Variants in PIP4K2A observed in about 807,000 individuals in gnomAD.
PIP4K2A encodes phosphatidylinositol-5-phosphate 4-kinase type 2 alpha, also known as phosphatidylinositol 5-phosphate 4-kinase type-2 alpha.
Under a neutral mutation model 42.9 loss-of-function variants are expected in PIP4K2A, and 14 were observed. The ratio of observed to expected loss-of-function variants is 0.33; its 90% CI spans 0.22 to 0.51. The LOEUF is 0.51. Ranked by LOEUF, PIP4K2A falls within the 20% of genes least tolerant of loss-of-function variation. PIP4K2A has a pLI of 0.97. For missense variants in PIP4K2A, 434 were observed against 519.8 expected (o/e 0.83, Z 1.61); for synonymous variants, 192 against 192.2 (o/e 1.00, Z 0.01).
At chr10:22,648,081 C>G (rs1838919528) in intron 1 of PIP4K2A, among the ~76,000 whole-genome samples, 1 of 152,284 alleles carries the variant, frequency 6.6e-6, no homozygotes. Flanking sequence ...CAAAGCCTTC[C>G]TGGAATATTC....
chr10:22,653,043 A>C (rs1458621356), intron 1 of PIP4K2A, among the ~76,000 whole-genome samples: 4 of 152,120 alleles, frequency 2.6e-5, no homozygotes, highest in Non-Finnish European at 5.9e-5. Context: ...GCAGTGAGCT[A>C]TGATGGTGCT....
chr10:22,585,229 G>A (rs1837366525), intron 4 of PIP4K2A, among the ~76,000 whole-genome samples: 1 of 152,204 alleles, frequency 6.6e-6, no homozygotes, highest in African/African-American at 2.4e-5. Flanking sequence ...GAAAGGATAA[G>A]CAGATGTACT....
intron 1 of PIP4K2A, among the ~76,000 whole-genome samples, chr10:22,631,198 A>G (rs1018894363): frequency 5.3e-5 from 8 of 152,224 alleles, no homozygotes; most frequent in Non-Finnish European, 1.0e-4. Flanking sequence ...AAATAGTGAT[A>G]ATAACAGACT....
At chr10:22,537,681 A>T (rs1417966799) in intron 9 of PIP4K2A, among the ~76,000 whole-genome samples, 2 of 152,194 alleles carry the variant, frequency 1.3e-5, no homozygotes, top group African/African-American at 4.8e-5. Flanking sequence ...AATGACATCA[A>T]CATTTGGCGA....
At chr10:22,634,398 G>T (rs1443322711) in intron 1 of PIP4K2A, among the ~76,000 whole-genome samples, 1 of 152,172 alleles carries the variant, frequency 6.6e-6, no homozygotes, top group African/African-American at 2.4e-5. Flanking sequence ...AGATTTGGGG[G>T]AACATTTAGA....
intron 5 of PIP4K2A, chr10:22,569,106 C>A (rs2130789396): frequency 1.5e-6 from 2 of 1,318,288 alleles, no homozygotes; most frequent in East Asian, 2.5e-5. Flanking sequence ...GCAGCTCAGG[C>A]ATTGACTAGG....
At chr10:22,639,690 G>A (rs1358898180) in intron 1 of PIP4K2A, among the ~76,000 whole-genome samples, 1 of 152,106 alleles carries the variant, frequency 6.6e-6, no homozygotes, top group Non-Finnish European at 1.5e-5. Context: ...ATTTGCTATA[G>A]TGAATAAAAG....
chr10:22,706,658 C>T (rs1833829559), intron 1 of PIP4K2A, among the ~76,000 whole-genome samples: 1 of 152,206 alleles, frequency 6.6e-6, no homozygotes, highest in South Asian at 2.1e-4. Flanking sequence ...GCATCTGAAG[C>T]ATCTTGCAGT....
At chr10:22,545,002 TTC>T (rs796842677) in intron 7 of PIP4K2A, among the ~76,000 whole-genome samples, 7 of 152,340 alleles carry the variant, frequency 4.6e-5, no homozygotes, top group African/African-American at 1.7e-4. Flanking sequence ...TTTGAGCGAC[TTC>T]TCTCTTTCCC....
At chr10:22,578,666 G>A (rs1029834924) in intron 4 of PIP4K2A, among the ~76,000 whole-genome samples, 4 of 150,018 alleles carry the variant, frequency 2.7e-5, no homozygotes, top group Admixed American at 6.7e-5. Context: ...TTCTATCTGC[G>A]TCTCGATAAC....
chr10:22,680,443 C>T (rs1206151816), intron 1 of PIP4K2A, among the ~76,000 whole-genome samples: 1 of 152,080 alleles, frequency 6.6e-6, no homozygotes, highest in Non-Finnish European at 1.5e-5. Flanking sequence ...ATAAAAATAG[C>T]ATTTAATGTC....
chr10:22,574,496 A>G (rs12260388), intron 4 of PIP4K2A, among the ~76,000 whole-genome samples: 144,566 of 148,668 alleles, frequency 0.97, 70,317 homozygotes, highest in East Asian at 1. Flanking sequence ...AAAGTAATTA[A>G]AATGTCCTTT....
chr10:22,647,850 C>G (rs1243572160), intron 1 of PIP4K2A, among the ~76,000 whole-genome samples: 2 of 152,188 alleles, frequency 1.3e-5, no homozygotes, highest in Non-Finnish European at 1.5e-5. Context: ...CGGCAGAAAA[C>G]TCACCATTAG....
Position 22,632,218 on chromosome 10 carries a change from G to A in PIP4K2A, c.145-22501C>T, listed in dbSNP as rs147436915. On this transcript the variant is annotated intron_variant, in intron 1 of 9. Transcript: ENST00000376573. ...AAGAAAACAAAAGTGGAATGAGTGCGGAAATGTAAATAAGAGCTTTCTATT... is the reference window on the plus strand; with the variant it reads ...AAGAAAACAAAAGTGGAATGAGTGCAGAAATGTAAATAAGAGCTTTCTATT... 2.6e-5 allele frequency among the ~76,000 whole-genome samples: 4 copies of A among 152,150 alleles called. No homozygotes were observed. The East Asian group carries it at 5.8e-4, about 22-fold the overall frequency.
intron 4 of PIP4K2A, among the ~76,000 whole-genome samples, chr10:22,589,527 T>C (rs1401036333): frequency 6.6e-6 from 1 of 152,162 alleles, no homozygotes; most frequent in African/African-American, 2.4e-5. Context: ...CTAGAGGCAG[T>C]ACCAAGTTTC....
intron 6 of PIP4K2A, among the ~76,000 whole-genome samples, chr10:22,553,196 G>A (rs1205026330): frequency 6.6e-6 from 1 of 152,200 alleles, no homozygotes; most frequent in Non-Finnish European, 1.5e-5. Context: ...AGGGCTTACT[G>A]AAAGGATCAA....
At chr10:22,689,925 A>G (rs1024010339) in intron 1 of PIP4K2A, among the ~76,000 whole-genome samples, 4 of 152,218 alleles carry the variant, frequency 2.6e-5, no homozygotes, top group Admixed American at 6.5e-5. Context: ...AGGTCCCTGT[A>G]AGGACATCAC....
At chr10:22,554,747 G>A (rs1281092873) in intron 6 of PIP4K2A, among the ~76,000 whole-genome samples, 2 of 152,324 alleles carry the variant, frequency 1.3e-5, no homozygotes, top group East Asian at 3.9e-4. Flanking sequence ...ATTGCTGTAC[G>A]ACCCTCTGTA....
intron 1 of PIP4K2A, among the ~76,000 whole-genome samples, chr10:22,670,583 G>A (rs369509993): frequency 4.6e-5 from 7 of 152,160 alleles, no homozygotes; most frequent in Admixed American, 3.3e-4. Context: ...ATTAATAATA[G>A]TAATTTCAAA....
Sources: gnomAD v4.1 joint callset for allele counts (sites outside exome capture counted in the v4.1 genomes callset) on GRCh38, gnomAD v4.1.1 for gene constraint, MANE v1.5 for transcripts, NCBI Gene and HGNC (gene_info 2026-07-23, HGNC 2026-07-21) for gene names.